PCCA: variants seen among roughly 807,000 people sequenced by gnomAD.
PCCA encodes propionyl-CoA carboxylase alpha chain, mitochondrial.
A neutral mutation model predicts 101.3 loss-of-function variants in PCCA; 74 were observed. The observed-to-expected ratio is 0.73, with a 90% CI of 0.61 to 0.89. PCCA has a LOEUF of 0.89. PCCA is among the 40% of genes least tolerant of loss of function. The pLI, the probability that PCCA is intolerant of heterozygous loss-of-function variation, is 0.00. For missense variants in PCCA, 891 were observed against 907.0 expected (o/e 0.98, Z 0.23); for synonymous variants, 294 against 313.6 (o/e 0.94, Z 0.66).
In PCCA at chr13:100,530,175, TA is replaced by T. The variant is rs771497496; in HGVS notation, c.*11del. 1.9e-6 allele frequency: 3 copies of T among 1,608,522 alleles called. No homozygotes were observed. Among genetic ancestry groups the T allele is most frequent in the Non-Finnish European group, 2.6e-6 (3 of 1,174,858 alleles). ...TCGTGGAGCTGGAATGAAGGATTTA[TA>T]ACCTTTCAGTCATCACCCAATTTAA... On this transcript the variant is annotated 3_prime_UTR_variant, in exon 24 of 24. Coordinates refer to ENST00000376285, the MANE Select transcript of PCCA (RefSeq NM_000282.4).
chr13:100,522,799 TCA>T (rs1438805038), intron 22 of PCCA, among the ~76,000 whole-genome samples: 2 of 152,236 alleles, frequency 1.3e-5, no homozygotes, highest in African/African-American at 4.8e-5. Flanking sequence ...ACTCACTGTA[TCA>T]CCCCCATTTT....
rs2076973890 is a variant in PCCA, at chr13:100,394,947, A to G, written c.1746+26373A>G. Reference sequence around the variant, plus strand: ...ATCTTCTGTGTCCGTGATTCTAATTACATTTCAGGGGGTTGTGATCTCTCC... The same window carrying G: ...ATCTTCTGTGTCCGTGATTCTAATTGCATTTCAGGGGGTTGTGATCTCTCC... On this transcript the variant is annotated intron_variant, in intron 19 of 23. Coordinates refer to ENST00000376285, the MANE Select transcript of PCCA (RefSeq NM_000282.4). This position sits in a 1 kb window ranked among gnomAD's most constrained non-coding sequence, Gnocchi z 4.3. 1.3e-5 allele frequency among the ~76,000 whole-genome samples: 2 copies of G among 152,170 alleles called. No homozygotes were observed. The highest frequency in any genetic ancestry group is 2.9e-5 in the Non-Finnish European group (2 of 68,028).
chr13:100,420,931 A>G (rs893687493), intron 19 of PCCA, among the ~76,000 whole-genome samples: 11 of 152,086 alleles, frequency 7.2e-5, no homozygotes, highest in Non-Finnish European at 8.8e-5. Context: ...TTTAGAGTGG[A>G]TGTAGTGGCT....
At chr13:100,161,775 C>T (rs1415745637) in intron 6 of PCCA, 1 of 151,994 alleles carries the variant, frequency 6.6e-6, no homozygotes. Context: ...CATGGAAATA[C>T]ATTATTTTTA....
chr13:100,450,263 A>G (rs2081129394), intron 21 of PCCA, among the ~76,000 whole-genome samples: 1 of 151,876 alleles, frequency 6.6e-6, no homozygotes, highest in African/African-American at 2.4e-5. Context: ...GGGCGCCTAT[A>G]ATCCCAGCTA....
intron 19 of PCCA, among the ~76,000 whole-genome samples, chr13:100,393,751 G>T (rs979529659): frequency 6.6e-6 from 1 of 151,822 alleles, no homozygotes; most frequent in African/African-American, 2.4e-5. Context: ...CAAAATCCTG[G>T]TTTTGTTTAT....
intron 20 of PCCA, among the ~76,000 whole-genome samples, chr13:100,442,049 A>G (rs2080414178): frequency 6.7e-6 from 1 of 149,290 alleles, no homozygotes; most frequent in African/African-American, 2.5e-5. Context: ...GCTGTAGTGC[A>G]ATGGCATGAT....
intron 22 of PCCA, among the ~76,000 whole-genome samples, chr13:100,516,736 C>CATGTGT (rs143753851): frequency 6.9e-6 from 1 of 144,972 alleles, no homozygotes; most frequent in Admixed American, 6.9e-5. Context: ...AGAAAAATTA[C>CATGTGT]GTGTGTGTGT....
At position 100,423,792 on chromosome 13, in the gene PCCA, G is replaced by T. The variant is rs777317248; in HGVS notation, c.1747-1841G>T. 2.6e-5 allele frequency among the ~76,000 whole-genome samples: 4 copies of T among 152,332 alleles called. No individual in the cohort carries two copies. In the South Asian group the frequency reaches 8.3e-4, roughly 32 times the overall value. ...TCTTCTATCCCCAGCTTCTGCTGAG[G>T]TGAGGTCTGGGAGCAGTGAGAGAGG... On this transcript the variant is annotated intron_variant, in intron 19 of 23. Transcript: ENST00000376285.
chr13:100,474,876 T>G (rs1206962421), intron 21 of PCCA, among the ~76,000 whole-genome samples: 1 of 152,214 alleles, frequency 6.6e-6, no homozygotes, highest in Admixed American at 6.5e-5. Flanking sequence ...GCAATTTTAT[T>G]GAGATACAAT....
At chr13:100,302,475 G>A (rs953302428) in intron 13 of PCCA, among the ~76,000 whole-genome samples, 19 of 151,562 alleles carry the variant, frequency 1.3e-4, no homozygotes, top group African/African-American at 3.2e-4. Context: ...ATCTAGTAGC[G>A]TGCAAAGTTT....
chr13:100,341,979 A>G lies in PCCA; in HGVS notation c.1643+1720A>G, dbSNP rs867666847. On this transcript the variant is annotated intron_variant, in intron 18 of 23. Coordinates refer to ENST00000376285, the MANE Select transcript of PCCA (RefSeq NM_000282.4). ...AAAGTATATATATATATATATATAT[A>G]TATGTATTTATGTGTGTGTATATAT... 1.4e-3 allele frequency among the ~76,000 whole-genome samples: 165 copies of G among 114,526 alleles called. 4 individuals are homozygous for G. Among genetic ancestry groups the G allele is most frequent in the African/African-American group, 4.8e-3 (146 of 30,626 alleles). 75.1% of individuals were successfully genotyped at this position (114,526 alleles called of 152,430 possible).
chr13:100,176,116 T>C (rs1461305177), intron 6 of PCCA, among the ~76,000 whole-genome samples: 1 of 152,222 alleles, frequency 6.6e-6, no homozygotes, highest in Non-Finnish European at 1.5e-5. Context: ...ACTCATTTTT[T>C]CCATCTTTGC....
In PCCA at chr13:100,330,648, A is replaced by T. The variant is rs776453855; in HGVS notation, c.1517A>T (p.Asp506Val). ...GACATCAGCACTAAATTTCTCTCCG[A>T]TGTGTATCCTGATGGCTTCAAAGGT... ...KGDISTKFLS[D>V]VYPDGFKGHM... The change falls in exon 17 of 24, where the codon GAT becomes GTT. Residue 506 changes from aspartate to valine, a missense_variant. Asp to Val is a radical substitution (Grantham distance 152). Transcript: ENST00000376285. 4.4e-6 allele frequency: 7 copies of T among 1,607,006 alleles called. No homozygotes were observed. In the South Asian group the frequency reaches 6.6e-5, roughly 15 times the overall value.
At chr13:100,167,368 G>A (rs1452632924) in intron 6 of PCCA, among the ~76,000 whole-genome samples, 3 of 152,002 alleles carry the variant, frequency 2.0e-5, no homozygotes, top group Non-Finnish European at 4.4e-5. Context: ...GGGCAACATG[G>A]TGAAACCCCA....
chr13:100,188,612 T>C (rs1006300043), intron 6 of PCCA, among the ~76,000 whole-genome samples: 2 of 152,248 alleles, frequency 1.3e-5, no homozygotes, highest in Non-Finnish European at 2.9e-5. Context: ...GTTCTACTTT[T>C]AGTTCTTTAA....
intron 19 of PCCA, among the ~76,000 whole-genome samples, chr13:100,392,549 T>C (rs1418495894): frequency 6.6e-6 from 1 of 152,202 alleles, no homozygotes; most frequent in Admixed American, 6.5e-5. Context: ...GCCTTATTCT[T>C]CACAGTTTTT....
rs748799274 is a variant in PCCA, at chr13:100,154,968, T to C, written c.301-11T>C. 6.9e-6 allele frequency: 11 copies of C among 1,594,006 alleles called. No homozygotes were observed. The highest frequency in any genetic ancestry group is 8.6e-6 in the Non-Finnish European group (10 of 1,161,772). ...GGGCGCATCTGTTAATGCAGAAATT[T>C]GTCTCCTCAGGTTCATGTGAAAATG... On this transcript the variant is annotated splice_polypyrimidine_tract_variant and intron_variant, in intron 4 of 23. Transcript: ENST00000376285.
At chr13:100,222,502 C>G (rs1049075828) in intron 7 of PCCA, among the ~76,000 whole-genome samples, 2 of 152,170 alleles carry the variant, frequency 1.3e-5, no homozygotes, top group Admixed American at 6.5e-5. Flanking sequence ...TCCACATTCA[C>G]TTGGAGCTAC....
Sources: allele counts gnomAD v4.1 joint callset (sites outside exome capture counted in the v4.1 genomes callset), GRCh38; gene constraint gnomAD v4.1.1; non-coding constraint Gnocchi (gnomAD v3.1); transcripts MANE v1.5; gene names NCBI Gene and HGNC (gene_info 2026-07-23, HGNC 2026-07-21).